Variants in FDX2 observed in about 807,000 individuals in gnomAD.
FDX2 encodes the protein ferredoxin-2, mitochondrial.
Under a neutral mutation model 18.5 loss-of-function variants are expected in FDX2, and 13 were observed. The ratio of observed to expected loss-of-function variants is 0.70; its 90% CI spans 0.46 to 1.12. FDX2 has a LOEUF of 1.12. Among genes scored for constraint, FDX2 ranks in the 50% most tolerant of loss-of-function variants. FDX2 has a pLI of 0.00. For synonymous variants in FDX2, 132 were observed against 106.2 expected (o/e 1.24, Z -1.49); for missense variants, 238 against 250.4 (o/e 0.95, Z 0.34).
In FDX2 at chr19:10,315,988, G is replaced by T. The variant is rs749199027; in HGVS notation, c.18C>A (p.Ala6=). 3.7e-6 allele frequency: 6 copies of T among 1,604,488 alleles called. No homozygotes were observed. Among genetic ancestry groups the T allele is most frequent in the Admixed American group, 1.8e-5 (1 of 56,462 alleles). ...CACTCACGCCTCCCCGGGCCATGGA[G>T]GCGGCCATGACATGCATCACGTGAC... Residue 6 remains alanine (A), a synonymous_variant, in exon 1 of 5, where the codon GCC becomes GCA. Coordinates refer to ENST00000393708, the MANE Select transcript of FDX2 (RefSeq NM_001031734.4).
chr19:10,315,776 G>T lies in FDX2; in HGVS notation c.155-17C>A. On this transcript the variant is annotated splice_polypyrimidine_tract_variant and intron_variant, in intron 1 of 4. Transcript: ENST00000393708. ...GGCGCGAGCCTGGAAAACACGGTTC[G>T]GTGAGCGGCTGCGCCGAGCCCCGCC... is the stretch of plus-strand genomic sequence containing the variant. 2 of 1,603,534 alleles carry T rather than the reference G, an allele frequency of 1.2e-6. No homozygotes were observed. The highest frequency in any genetic ancestry group is 1.7e-6 in the Non-Finnish European group (2 of 1,175,764).
chr19:10,313,671 ATTTTTTTTTTTT>A (rs1198833749), intron 3 of FDX2, among the ~76,000 whole-genome samples: 9 of 45,406 alleles, frequency 2.0e-4, no homozygotes, highest in East Asian at 7.7e-4. Context: ...ATATATATAT[ATTTTTTTTTTTT>A]TTTTTTTTTT....
At position 10,310,356 on chromosome 19, in the gene FDX2, G is replaced by T. The variant is rs1280620887; in HGVS notation, c.*130C>A. The T allele has an allele frequency of 4.7e-6, 6 of 1,267,982 alleles. No individual in the cohort carries two copies. In the African/African-American group the frequency reaches 7.4e-5, roughly 16 times the overall value. 78.5% of individuals were successfully genotyped at this position (1,267,982 alleles called of 1,614,324 possible). A position where few individuals can be genotyped will look rare whatever the true frequency, so the allele number is the denominator to read the frequency against. Reference sequence around the variant, plus strand: ...ACATGGGACTCTCTCCCAAGCAGGGGTGTTGTCCTTCACAGGGGCTTCCAC... The same window carrying T: ...ACATGGGACTCTCTCCCAAGCAGGGTTGTTGTCCTTCACAGGGGCTTCCAC... On this transcript the variant is annotated 3_prime_UTR_variant, in exon 5 of 5. Transcript: ENST00000393708.
chr19:10,315,320 T>A lies in FDX2; in HGVS notation c.316+66A>T. 77 of 377,626 alleles carry A rather than the reference T, an allele frequency of 2.0e-4. 2 individuals are homozygous for A. Among genetic ancestry groups the A allele is most frequent in the Middle Eastern group, 9.6e-4 (1 of 1,042 alleles). 23.4% of individuals were successfully genotyped at this position (377,626 alleles called of 1,614,324 possible). ...TGAAGAGACACACCTAATTTGTGGG[T>A]TTTTTTTTTTTTTTTTTTGGACAAA... On this transcript the variant is annotated intron_variant, in intron 3 of 4. Transcript: ENST00000393708.
intron 3 of FDX2, among the ~76,000 whole-genome samples, chr19:10,312,172 ATTTTTT>A (rs60538704): frequency 2.7e-4 from 22 of 82,548 alleles, no homozygotes; most frequent in Non-Finnish European, 3.8e-4. Flanking sequence ...ACCTGGCCAT[ATTTTTT>A]TTTTTTTTTT....
chr19:10,310,462 T>C lies in FDX2; in HGVS notation c.*24A>G. The C allele has an allele frequency of 6.2e-7, 1 of 1,613,960 alleles. No individual in the cohort carries two copies. The highest frequency in any genetic ancestry group is 8.5e-7 in the Non-Finnish European group (1 of 1,179,892). ...AATCTGGGCCCTGGGGCCATGGCAATGTGGAATGGTCCAGGTGTTCATGTC... is the reference window on the plus strand; with the variant it reads ...AATCTGGGCCCTGGGGCCATGGCAACGTGGAATGGTCCAGGTGTTCATGTC... On this transcript the variant is annotated 3_prime_UTR_variant, in exon 5 of 5. Transcript: ENST00000393708.
In FDX2 at chr19:10,310,391, G is replaced by A. The variant is rs550823332; in HGVS notation, c.*95C>T. 679 of 1,528,764 alleles carry A rather than the reference G, an allele frequency of 4.4e-4. 3 individuals are homozygous for A. The highest frequency in any genetic ancestry group is 1.1e-3 in the Middle Eastern group (6 of 5,642). The allele number at this position is 1,528,764 out of a possible 1,614,324, so 94.7% of individuals were successfully genotyped here. A position where few individuals can be genotyped will look rare whatever the true frequency, so the allele number is the denominator to read the frequency against. ...TCACAGGGGCTTCCACGTCTCTCCC[G>A]GGCCTGTCCGCACTCTGGGCAGGGC... On this transcript the variant is annotated 3_prime_UTR_variant, in exon 5 of 5. Coordinates refer to ENST00000393708, the MANE Select transcript of FDX2 (RefSeq NM_001031734.4).
At chr19:10,313,673 T>TATATATATATATATATA (rs2040348365) in intron 3 of FDX2, among the ~76,000 whole-genome samples, 1 of 17,820 alleles carries the variant, frequency 5.6e-5, no homozygotes, top group African/African-American at 2.3e-4. Context: ...ATATATATAT[T>TATATATATATATATATA]TTTTTTTTTT....
intron 3 of FDX2, among the ~76,000 whole-genome samples, chr19:10,311,901 G>A (rs1273822716): frequency 5.9e-5 from 7 of 119,636 alleles, no homozygotes; most frequent in African/African-American, 1.7e-4. Flanking sequence ...GTGGAGTTTC[G>A]CTCTCTTTGC....
At chr19:10,315,553 T>A (rs1262574528) in intron 2 of FDX2, 61 bp from the exon 3 acceptor site, 1 of 1,577,854 alleles carries the variant, frequency 6.3e-7, no homozygotes, top group African/African-American at 1.4e-5. Flanking sequence ...CCGGGTAGAA[T>A]CTAGGGTTAG....
At chr19:10,314,141 G>A (rs1378014322) in intron 3 of FDX2, among the ~76,000 whole-genome samples, 1 of 151,718 alleles carries the variant, frequency 6.6e-6, no homozygotes, top group Admixed American at 6.6e-5. Context: ...GTGCCACCAC[G>A]CCCAGCTAAT....
chr19:10,311,026 T>C (rs1296737424), intron 3 of FDX2, 86 bp from the exon 4 acceptor site: 8 of 957,522 alleles, frequency 8.4e-6, no homozygotes, highest in Non-Finnish European at 7.9e-6. Flanking sequence ...AGTAGACCTC[T>C]CTTCCACCAC....
chr19:10,312,659 G>C (rs1221887886), intron 3 of FDX2, among the ~76,000 whole-genome samples: 1 of 152,020 alleles, frequency 6.6e-6, no homozygotes, highest in Non-Finnish European at 1.5e-5. Context: ...CCGCCTCCCA[G>C]AGCAGCTGGG....
At chr19:10,315,818 G>A in intron 1 of FDX2, 34 bp downstream of exon 1, 2 of 1,598,932 alleles carry the variant, frequency 1.3e-6, no homozygotes, top group Middle Eastern at 1.7e-4. Flanking sequence ...GCATCTGACG[G>A]ATTAACGCTG....
chr19:10,311,147 G>A (rs1272501465), intron 3 of FDX2, among the ~76,000 whole-genome samples: 4 of 152,132 alleles, frequency 2.6e-5, no homozygotes, highest in Non-Finnish European at 5.9e-5. Flanking sequence ...GTTTACAAAC[G>A]GACATCTGGG....
chr19:10,312,475 AACTCCTTC>A (rs1237227451), intron 3 of FDX2, among the ~76,000 whole-genome samples: 1 of 152,044 alleles, frequency 6.6e-6, no homozygotes, highest in African/African-American at 2.4e-5. Flanking sequence ...ATAAAATCCA[AACTCCTTC>A]ACTTAGTCTT....
chr19:10,311,866 A>AT (rs34531286), intron 3 of FDX2, among the ~76,000 whole-genome samples: 37,091 of 97,194 alleles, frequency 0.38, 7,780 homozygotes, highest in African/African-American at 0.5. Flanking sequence ...CACCTGGCTA[A>AT]TTTTTTTTTT....
intron 3 of FDX2, 65 bp downstream of exon 3, chr19:10,315,318 GGTT>G (rs878876552): frequency 0.013 from 5,630 of 421,124 alleles, 210 homozygotes; most frequent in Middle Eastern, 0.017. Flanking sequence ...CTAATTTGTG[GGTT>G]TTTTTTTTTT....
intron 3 of FDX2, among the ~76,000 whole-genome samples, chr19:10,312,360 C>T (rs146331923): frequency 2.9e-4 from 44 of 151,966 alleles, no homozygotes; most frequent in African/African-American, 1.0e-3. Flanking sequence ...TTCTGCTGAC[C>T]ACCTGCCCTT....
Sources: allele counts gnomAD v4.1 joint callset (sites outside exome capture counted in the v4.1 genomes callset), GRCh38; gene constraint gnomAD v4.1.1; transcripts MANE v1.5; gene names NCBI Gene and HGNC (gene_info 2026-07-23, HGNC 2026-07-21).